Variants in DIP2C observed in about 807,000 individuals in gnomAD.
DIP2C encodes the protein disco-interacting protein 2 homolog C.
A neutral mutation model predicts 192.4 loss-of-function variants in DIP2C; 33 were observed. The ratio of observed to expected loss-of-function variants is 0.17; its 90% CI spans 0.13 to 0.23. The LOEUF is 0.23. Ranked by LOEUF, DIP2C falls within the 10% of genes least tolerant of loss-of-function variation. DIP2C has a pLI of 1.00. For synonymous variants in DIP2C, 979 were observed against 864.1 expected (o/e 1.13, Z -2.33); for missense variants, 1,537 against 2,110.1 (o/e 0.73, Z 5.32).
chr10:611,832 A>C (rs1367733291), intron 1 of DIP2C, among the ~76,000 whole-genome samples: 3 of 152,202 alleles, frequency 2.0e-5, no homozygotes, highest in African/African-American at 4.8e-5. Context: ...GCAGAAATGC[A>C]AATATCCCCA....
chr10:584,960 C>A (rs1322413488), intron 1 of DIP2C, among the ~76,000 whole-genome samples: 2 of 142,220 alleles, frequency 1.4e-5, no homozygotes, highest in African/African-American at 2.7e-5. Context: ...TCGGGGCCCG[C>A]GACCTGACCC....
rs938632899 is a variant in DIP2C at position 646,277 on chromosome 10, C to A, written c.85+43217G>T. 7.9e-5 allele frequency among the ~76,000 whole-genome samples: 12 copies of A among 151,702 alleles called. No individual in the cohort carries two copies. The South Asian group carries it at 2.5e-3, about 32-fold the overall frequency. ...CTGCCCCGTGCCCCCCGCACCCTGT[C>A]CCCCTGTGCAGGTACTGGAGCTGCT... is the stretch of plus-strand genomic sequence containing the variant. On this transcript the variant is annotated intron_variant, in intron 1 of 36. Transcript: ENST00000280886.
intron 1 of DIP2C, among the ~76,000 whole-genome samples, chr10:621,113 G>A (rs1204044925): frequency 6.6e-6 from 1 of 152,106 alleles, no homozygotes; most frequent in South Asian, 2.1e-4. Flanking sequence ...GGGAGACCCC[G>A]ACCCAAGGGG....
intron 1 of DIP2C, among the ~76,000 whole-genome samples, chr10:592,448 G>A (rs555521663): frequency 6.6e-6 from 1 of 152,310 alleles, no homozygotes; most frequent in South Asian, 2.1e-4. Flanking sequence ...ATGAATGACG[G>A]TTTGTTCCCA....
At chr10:591,896 G>A (rs1011944969) in intron 1 of DIP2C, among the ~76,000 whole-genome samples, 49 of 152,186 alleles carry the variant, frequency 3.2e-4, no homozygotes, top group Admixed American at 2.0e-3. Flanking sequence ...TGAATGAGGC[G>A]ACCAGGAAAT....
Position 651,024 on chromosome 10 carries a change from T to C in DIP2C, c.85+38470A>G. ...GCCAGGGCTCAGGCCCCAGCCCCCG[T>C]TTCTGCAGAAGCCCCTTTCCATCCT... On this transcript the variant is annotated intron_variant, in intron 1 of 36. Transcript: ENST00000280886. The surrounding 1 kb of genome is among the most constrained non-coding windows in gnomAD (Gnocchi z 4.1). The C allele has an allele frequency of 1.4e-6, 1 of 716,886 alleles. No individual in the cohort carries two copies. The highest frequency in any genetic ancestry group is 2.6e-6 in the Non-Finnish European group (1 of 384,952). 44.4% of individuals were successfully genotyped at this position (716,886 alleles called of 1,614,324 possible).
rs533117424 is a variant in DIP2C, at chr10:516,189, C to T, written c.86-29659G>A. On this transcript the variant is annotated intron_variant, in intron 1 of 36. Transcript: ENST00000280886. ...GAAGGCAGGTTCTCCCTACATCTTC[C>T]GGGCAGGAAAGATGGAGCTGACAAG... Among the ~76,000 whole-genome samples, 206 of 145,318 alleles carry T rather than the reference C, an allele frequency of 1.4e-3. 1 individual carries two copies. Among genetic ancestry groups the T allele is most frequent in the African/African-American group, 5.0e-3 (195 of 38,922 alleles).
In DIP2C at chr10:636,432, T is replaced by C. The variant is rs1777966341; in HGVS notation, c.85+53062A>G. 6.6e-6 allele frequency among the ~76,000 whole-genome samples: 1 copy of C among 152,154 alleles called. No individual in the cohort carries two copies. The highest frequency in any genetic ancestry group is 2.4e-5 in the African/African-American group (1 of 41,446). On this transcript the variant is annotated intron_variant, in intron 1 of 36. Transcript: ENST00000280886. This position sits in a 1 kb window ranked among gnomAD's most constrained non-coding sequence, Gnocchi z 4.6. ...TTTCTCACTCTCTCTCTCTGTAGAT[T>C]ATACAGAGAGACAGATTCGTTTCTC...
intron 1 of DIP2C, among the ~76,000 whole-genome samples, chr10:498,462 C>T (rs1845008902): frequency 6.6e-6 from 1 of 152,142 alleles, no homozygotes; most frequent in African/African-American, 2.4e-5. Context: ...AGATGCTTGC[C>T]TCCCCTCAGG....
chr10:416,209 G>T lies in DIP2C; in HGVS notation c.740-321C>A, dbSNP rs1200787849. ...AGGACAGAATTGTCACCTGCAGAGG[G>T]CAGACTCCTCATTCCCACTGCCCCA... On this transcript the variant is annotated intron_variant, in intron 6 of 36. Transcript: ENST00000280886. 2.2e-4 allele frequency among the ~76,000 whole-genome samples: 34 copies of T among 152,066 alleles called. 1 individual carries two copies. Among genetic ancestry groups the T allele is most frequent in the Admixed American group, 2.1e-3 (32 of 15,264 alleles).
chr10:580,288 G>C (rs1020406665), intron 1 of DIP2C, among the ~76,000 whole-genome samples: 1 of 152,128 alleles, frequency 6.6e-6, no homozygotes, highest in Non-Finnish European at 1.5e-5. Flanking sequence ...ATGTACATAT[G>C]CAGCATGCGT....
At chr10:387,839 T>C (rs1963105778) in intron 13 of DIP2C, 30 bp from the exon 14 acceptor site, 1 of 1,612,758 alleles carries the variant, frequency 6.2e-7, no homozygotes, top group South Asian at 1.1e-5. Context: ...AGGAGATTTT[T>C]ACTTAGGACA....
chr10:684,649 C>T (rs533910931), intron 1 of DIP2C, among the ~76,000 whole-genome samples: 1 of 152,048 alleles, frequency 6.6e-6, no homozygotes, highest in Non-Finnish European at 1.5e-5. Flanking sequence ...CTGGGGGTGC[C>T]GAGGGCAGAA....
intron 1 of DIP2C, among the ~76,000 whole-genome samples, chr10:677,877 A>T (rs1830927573): frequency 6.6e-6 from 1 of 152,252 alleles, no homozygotes; most frequent in Non-Finnish European, 1.5e-5. Flanking sequence ...AGACAGAGCC[A>T]GGCTCCGAAT....
chr10:597,467 T>G (rs1851779302), intron 1 of DIP2C, among the ~76,000 whole-genome samples: 2 of 151,966 alleles, frequency 1.3e-5, no homozygotes, highest in South Asian at 2.1e-4. Flanking sequence ...CAATTCTAGG[T>G]GGAAAGGTGA....
chr10:597,728 C>G (rs1851799937), intron 1 of DIP2C, among the ~76,000 whole-genome samples: 1 of 152,204 alleles, frequency 6.6e-6, no homozygotes, highest in African/African-American at 2.4e-5. Context: ...TCCTGAACTA[C>G]TTCTGTCCCT....
intron 14 of DIP2C, among the ~76,000 whole-genome samples, chr10:386,668 G>A (rs77661049): frequency 0.033 from 4,995 of 152,302 alleles, 120 homozygotes; most frequent in Non-Finnish European, 0.053. Flanking sequence ...AATGCTTGCC[G>A]GCTCCTCTTC....
At chr10:355,987 C>T (rs542750839) in intron 24 of DIP2C, among the ~76,000 whole-genome samples, 8 of 152,204 alleles carry the variant, frequency 5.3e-5, no homozygotes, top group South Asian at 2.1e-4. Context: ...GGCTGATGCA[C>T]GAGAATTGCT....
chr10:511,709 G>T (rs970481093), intron 1 of DIP2C, among the ~76,000 whole-genome samples: 2 of 152,168 alleles, frequency 1.3e-5, no homozygotes, highest in Admixed American at 1.3e-4. Flanking sequence ...ACAATGAAGG[G>T]TGGCGGCTCC....
Sources: gnomAD v4.1 joint callset for allele counts (sites outside exome capture counted in the v4.1 genomes callset) on GRCh38, gnomAD v4.1.1 for gene constraint, Gnocchi (gnomAD v3.1) non-coding constraint, MANE v1.5 for transcripts, NCBI Gene and HGNC (gene_info 2026-07-23, HGNC 2026-07-21) for gene names.